The following SMG5 variants were observed in gnomAD, a reference collection of about 807,000 sequenced individuals.
SMG5 encodes SMG5 nonsense mediated mRNA decay factor.
Under a neutral mutation model 122.9 loss-of-function variants are expected in SMG5, and 53 were observed. That is an observed-to-expected ratio of 0.43 (90% CI 0.35 to 0.54). The LOEUF is 0.54. Among genes scored for constraint, SMG5 ranks in the 20% least tolerant of loss-of-function variants. The probability of loss-of-function intolerance (pLI) is 0.01; values close to 1 mark genes in which losing one functional copy is unlikely to be tolerated. For synonymous variants in SMG5, 477 were observed against 490.2 expected, an observed-to-expected ratio of 0.97 and a Z score of 0.35; for missense variants, 1,153 against 1,285.6, an observed-to-expected ratio of 0.90 and a Z score of 1.58.
intron 16 of SMG5, among the ~76,000 whole-genome samples, chr1:156,257,922 A>T (rs1324588534): frequency 6.6e-6 from 1 of 152,200 alleles, no homozygotes; most frequent in Non-Finnish European, 1.5e-5. Context: ...GGTGCCACTT[A>T]GCTCAGGGTG....
At chr1:156,255,476 T>G (rs369231721) in intron 16 of SMG5, among the ~76,000 whole-genome samples, 1 of 151,712 alleles carries the variant, frequency 6.6e-6, no homozygotes, top group South Asian at 2.1e-4. Context: ...GAGGCAGAGA[T>G]TGTGGTGAGC....
intron 14 of SMG5, 77 bp from the exon 15 acceptor site, chr1:156,260,703 G>C (rs139182835): frequency 1.5e-6 from 2 of 1,305,476 alleles, no homozygotes; most frequent in Non-Finnish European, 2.0e-6. Context: ...CTTCCCTTTG[G>C]GAATTATCAG....
intron 1 of SMG5, 103 bp downstream of exon 1, chr1:156,282,504 G>C (rs1056785022): frequency 7.0e-6 from 9 of 1,283,746 alleles, no homozygotes; most frequent in African/African-American, 1.5e-5. Context: ...TTCCTCACCC[G>C]CACCTCACCC....
intron 7 of SMG5, among the ~76,000 whole-genome samples, chr1:156,269,507 C>T (rs915073309): frequency 2.0e-5 from 3 of 151,932 alleles, no homozygotes; most frequent in Non-Finnish European, 4.4e-5. Context: ...GAGGCTGAGG[C>T]GGGCGTATCA....
intron 8 of SMG5, 41 bp from the exon 9 acceptor site, chr1:156,268,224 G>A (rs756252687): frequency 1.1e-5 from 18 of 1,613,760 alleles, no homozygotes; most frequent in African/African-American, 5.3e-5. Context: ...GAATGGTCCC[G>A]CAGTCCCTAT....
chr1:156,286,167 G>C (rs1327965783), upstream of SMG5: 1 of 1,405,960 alleles, frequency 7.1e-7, no homozygotes, highest in Non-Finnish European at 9.9e-7. Context: ...TAGAGCCCAT[G>C]CACTGCCCAC....
the SMG5 span, chr1:156,291,127 C>T: frequency 6.2e-6 from 3 of 483,144 alleles, no homozygotes; most frequent in Non-Finnish European, 1.1e-5. Flanking sequence ...AAAAATAAAT[C>T]GAAAAGTAAA....
At chr1:156,263,852 C>T (rs1355943924) in intron 12 of SMG5, among the ~76,000 whole-genome samples, 1 of 152,148 alleles carries the variant, frequency 6.6e-6, no homozygotes, top group Non-Finnish European at 1.5e-5. Context: ...TAATTTGTGA[C>T]GTTGATCTAC....
At chr1:156,278,349 G>C (rs186648754) in intron 2 of SMG5, among the ~76,000 whole-genome samples, 1 of 150,214 alleles carries the variant, frequency 6.7e-6, no homozygotes, top group Admixed American at 6.6e-5. Context: ...CAGTATGGCC[G>C]ACTCCCTTGA....
rs111918123 is a variant in SMG5 at position 156,255,437 on chromosome 1, G to A, written c.2443-1929C>T. Among the ~76,000 whole-genome samples the A allele has an allele frequency of 1.3e-3, 192 of 152,310 alleles. 1 individual carries two copies. Among genetic ancestry groups the A allele is most frequent in the African/African-American group, 4.4e-3 (183 of 41,556 alleles). On this transcript the variant is annotated intron_variant, in intron 16 of 21. Transcript: ENST00000361813. ...ACCTGTAATCCCAGCTACTCGGGAG[G>A]CTGAGGCAGGAGAATCGCTTGAACC...
At chr1:156,281,711 TGTA>T (rs1235334308) in intron 1 of SMG5, among the ~76,000 whole-genome samples, 1 of 152,232 alleles carries the variant, frequency 6.6e-6, no homozygotes, top group African/African-American at 2.4e-5. Flanking sequence ...AACTCTACTC[TGTA>T]GTAGAAGGCA....
intron 7 of SMG5, among the ~76,000 whole-genome samples, chr1:156,270,893 G>A (rs896271166): frequency 6.6e-6 from 1 of 151,984 alleles, no homozygotes; most frequent in Non-Finnish European, 1.5e-5. Flanking sequence ...TGTAATCCTA[G>A]CTACTCGAGA....
chr1:156,283,378 T>C (rs555568416), upstream of SMG5, among the ~76,000 whole-genome samples: 4 of 152,218 alleles, frequency 2.6e-5, no homozygotes, highest in Non-Finnish European at 4.4e-5. Context: ...GTAACATTTA[T>C]TGAACTGCCA....
intron 12 of SMG5, 44 bp downstream of exon 12, chr1:156,265,737 A>G (rs1244940578): frequency 6.3e-7 from 1 of 1,584,464 alleles, no homozygotes; most frequent in East Asian, 2.2e-5. Context: ...TGTCTATGGC[A>G]TGGAGGTGCG....
chr1:156,285,307 T>G, upstream of SMG5: 1 of 1,577,812 alleles, frequency 6.3e-7, no homozygotes, highest in Non-Finnish European at 8.6e-7. Flanking sequence ...AGGCCTTGGT[T>G]CCCAATGGCC....
chr1:156,252,330 T>C (rs1661388087), intron 19 of SMG5, 84 bp downstream of exon 19: 8 of 1,314,238 alleles, frequency 6.1e-6, no homozygotes, highest in South Asian at 4.8e-5. Flanking sequence ...GTCTTACCCA[T>C]AGGGAGCAAG....
upstream of SMG5, chr1:156,286,578 C>G: frequency 1.7e-6 from 2 of 1,175,046 alleles, no homozygotes; most frequent in South Asian, 2.7e-5. Context: ...GGATTCTACA[C>G]TGGCCCAAAT....
chr1:156,268,498 T>C (rs1045826939), intron 7 of SMG5, 83 bp from the exon 8 acceptor site: 2 of 1,547,264 alleles, frequency 1.3e-6, no homozygotes, highest in Non-Finnish European at 1.8e-6. Flanking sequence ...ACAATGTTAC[T>C]AGTAAATACA....
chr1:156,260,553 C>A lies in SMG5; in HGVS notation c.2181G>T (p.Leu727=), dbSNP rs771103018. Residue 727 remains leucine, a synonymous_variant, in exon 15 of 22, where the codon CTG becomes CTT. Coordinates refer to ENST00000361813, the MANE Select transcript of SMG5 (RefSeq NM_015327.3). The part of the protein sequence containing the change: ...CELPDLPSSL[L]LPEDMALRNL... ...TACGAAGAGCCATGTCCTCTGGGAG[C>A]AGAAGGCTAGAGGGGAGGTCAGGCA... is the stretch of plus-strand genomic sequence containing the variant. The A allele has an allele frequency of 6.4e-7, 1 of 1,563,106 alleles. No homozygotes were observed. Among genetic ancestry groups the A allele is most frequent in the Admixed American group, 2.1e-5 (1 of 47,530 alleles).
Sources: allele counts gnomAD v4.1 joint callset (sites outside exome capture counted in the v4.1 genomes callset), GRCh38; gene constraint gnomAD v4.1.1; transcripts MANE v1.5; gene names NCBI Gene and HGNC (gene_info 2026-07-23, HGNC 2026-07-21).